Variants in TENM1 observed in about 807,000 individuals in gnomAD.
TENM1 encodes the protein teneurin-1.
Under a neutral mutation model 174.8 loss-of-function variants are expected in TENM1, and 35 were observed. The observed-to-expected ratio is 0.20, with a 90% CI of 0.15 to 0.27. The LOEUF is 0.27. TENM1 is among the 10% of genes least tolerant of loss of function. The probability of loss-of-function intolerance (pLI) is 1.00; values close to 1 mark genes in which losing one functional copy is unlikely to be tolerated. For synonymous variants in TENM1, 781 were observed against 798.7 expected, an observed-to-expected ratio of 0.98 and a Z score of 0.37; for missense variants, 1,633 against 2,130.1, an observed-to-expected ratio of 0.77 and a Z score of 4.59.
chrX:125,057,352 A>T, the TENM1 span, among the ~76,000 whole-genome samples: 2 of 92,655 alleles, frequency 2.2e-5, no homozygotes, highest in Non-Finnish European at 4.1e-5. Flanking sequence ...ATATCTATAC[A>T]TACATACACA....
the TENM1 span, among the ~76,000 whole-genome samples, chrX:125,114,751 G>A: frequency 1.8e-5 from 2 of 110,966 alleles, no homozygotes; most frequent in Non-Finnish European, 3.8e-5. Flanking sequence ...GTAATTAATA[G>A]CCTACCAACC....
At chrX:125,084,256 C>T in the TENM1 span, among the ~76,000 whole-genome samples, 3 of 110,382 alleles carry the variant, frequency 2.7e-5, no homozygotes, top group Non-Finnish European at 5.7e-5. Flanking sequence ...TCCATCCATC[C>T]ATTCAAAAAA....
intron 27 of TENM1, among the ~76,000 whole-genome samples, chrX:124,401,405 T>C (rs1403677587): frequency 8.9e-6 from 1 of 112,203 alleles, no homozygotes; most frequent in Non-Finnish European, 1.9e-5. Flanking sequence ...TTCTATGTTG[T>C]ATGACTTGGA....
chrX:125,106,591 A>G, the TENM1 span, among the ~76,000 whole-genome samples: 94 of 110,019 alleles, frequency 8.5e-4, no homozygotes, highest in African/African-American at 3.0e-3. Context: ...TTGTATTTTT[A>G]GTAGAGACAG....
intron 3 of TENM1, among the ~76,000 whole-genome samples, chrX:124,831,134 C>G (rs746478132): frequency 1.8e-5 from 2 of 111,363 alleles, no homozygotes; most frequent in Non-Finnish European, 3.8e-5. Flanking sequence ...TGCTCTATCT[C>G]TGGAGAGTGT....
chrX:124,582,897 C>G (rs189201597), intron 11 of TENM1, among the ~76,000 whole-genome samples: 1,274 of 112,384 alleles, frequency 0.011, 21 homozygotes, highest in African/African-American at 0.038. Context: ...CACCTGGCTT[C>G]GAGGGTCCTA....
At chrX:124,991,498 C>CAGAGAGAG in the TENM1 span, among the ~76,000 whole-genome samples, 1 of 104,927 alleles carries the variant, frequency 9.5e-6, no homozygotes, top group South Asian at 4.2e-4. Flanking sequence ...GGGAGAGAGA[C>CAGAGAGAG]AGAGAGAGAC....
intron 3 of TENM1, among the ~76,000 whole-genome samples, chrX:124,789,663 G>C (rs186920406): frequency 2.4e-3 from 263 of 111,204 alleles, no homozygotes; most frequent in Non-Finnish European, 3.0e-3. Flanking sequence ...CTTAGATCCA[G>C]TTCCCACCAA....
chrX:124,542,952 G>C (rs941636269), intron 15 of TENM1, among the ~76,000 whole-genome samples: 1 of 112,375 alleles, frequency 8.9e-6, no homozygotes, highest in Admixed American at 9.4e-5. Context: ...ATAATGTTGG[G>C]TATTTAAAGG....
At chrX:124,667,312 AGGCACAGT>A (rs1223994314) in intron 6 of TENM1, among the ~76,000 whole-genome samples, 2 of 111,554 alleles carry the variant, frequency 1.8e-5, no homozygotes, top group African/African-American at 6.5e-5. Flanking sequence ...GTTATAGGCC[AGGCACAGT>A]GGCTCACGTC....
intron 1 of TENM1, among the ~76,000 whole-genome samples, chrX:124,941,088 TC>T (rs1483123726): frequency 5.4e-5 from 6 of 111,412 alleles, no homozygotes; most frequent in Non-Finnish European, 1.1e-4. Context: ...TGCCCCTCTC[TC>T]CTTGACCATC....
Position 124,487,307 on chromosome X carries a change from TAA to T in TENM1, c.3696-80_3696-79del, listed in dbSNP as rs1249754735. On this transcript the variant is annotated intron_variant, in intron 20 of 31. Coordinates refer to ENST00000422452, the Ensembl canonical transcript of TENM1. ...TCAGTATCATTGAACATGCCAAACCTAACCAGACACACCAATTCCTAACTCAG... is the reference window on the plus strand; with the variant it reads ...TCAGTATCATTGAACATGCCAAACCTCCAGACACACCAATTCCTAACTCAG... 7 of 915,814 alleles carry T rather than the reference TAA, an allele frequency of 7.6e-6. No homozygotes were observed. In the African/African-American group the frequency reaches 1.4e-4, roughly 18 times the overall value. The allele number at this position is 915,814 out of a possible 1,213,427, so 75.5% of individuals were successfully genotyped here.
At chrX:124,757,234 G>A (rs1012106204) in intron 3 of TENM1, among the ~76,000 whole-genome samples, 8 of 112,072 alleles carry the variant, frequency 7.1e-5, no homozygotes, top group Non-Finnish European at 1.3e-4. Flanking sequence ...CCACCTTGCA[G>A]TTTGATCTCA....
chrX:125,203,826 C>G, the TENM1 span: 1 of 113,107 alleles, frequency 8.8e-6, no homozygotes, highest in Non-Finnish European at 1.9e-5. Flanking sequence ...CAAGTTTCGG[C>G]GGCGTCCCCA....
intron 10 of TENM1, among the ~76,000 whole-genome samples, chrX:124,644,848 A>T (rs1298572835): frequency 9.0e-6 from 1 of 111,502 alleles, no homozygotes; most frequent in Non-Finnish European, 1.9e-5. Flanking sequence ...TAACACCTAA[A>T]ATCATCAATA....
chrX:125,110,032 A>G, the TENM1 span, among the ~76,000 whole-genome samples: 1 of 111,678 alleles, frequency 9.0e-6, no homozygotes, highest in Non-Finnish European at 1.9e-5. Context: ...TTATGAAACA[A>G]TGAAATTAAT....
chrX:125,046,160 T>C, the TENM1 span, among the ~76,000 whole-genome samples: 2 of 112,116 alleles, frequency 1.8e-5, no homozygotes, highest in South Asian at 3.7e-4. Flanking sequence ...TACATATGTA[T>C]TGAAGGATGA....
chrX:124,667,629 T>C (rs958165843), intron 6 of TENM1, among the ~76,000 whole-genome samples: 5 of 109,889 alleles, frequency 4.6e-5, no homozygotes, highest in Non-Finnish European at 9.5e-5. Context: ...TGTAAGACTC[T>C]AATGTAGTGA....
chrX:124,738,664 C>T lies in TENM1; in HGVS notation c.536-1467G>A, dbSNP rs145202816. Among the ~76,000 whole-genome samples, 38 of 111,955 alleles carry T rather than the reference C, an allele frequency of 3.4e-4. No homozygotes were observed. The East Asian group carries it at 5.3e-3, about 16-fold the overall frequency. ...ATTATTCCAGGCCCAGCTCAAATCC[C>T]ATATTCACTAAAAAAAATCATCACA... On this transcript the variant is annotated intron_variant, in intron 3 of 31. Transcript: ENST00000422452.
Sources: gnomAD v4.1 joint callset for allele counts (sites outside exome capture counted in the v4.1 genomes callset) on GRCh38, gnomAD v4.1.1 for gene constraint, MANE v1.5 for transcripts, NCBI Gene and HGNC (gene_info 2026-07-23, HGNC 2026-07-21) for gene names.